Variants in AK5 observed in about 807,000 individuals in gnomAD.
AK5 encodes adenylate kinase 5.
A neutral mutation model predicts 69.5 loss-of-function variants in AK5; 27 were observed. The ratio of observed to expected loss-of-function variants is 0.39; its 90% CI spans 0.29 to 0.54. The LOEUF (loss-of-function observed/expected upper bound fraction) is 0.54. AK5 is among the 20% of genes least tolerant of loss of function. The probability of loss-of-function intolerance (pLI) is 0.71; values close to 1 mark genes in which losing one functional copy is unlikely to be tolerated. For synonymous variants in AK5, 260 were observed against 244.4 expected, an observed-to-expected ratio of 1.06 and a Z score of -0.60; for missense variants, 531 against 700.4, an observed-to-expected ratio of 0.76 and a Z score of 2.73.
chr1:77,456,605 G>A (rs565829909), intron 8 of AK5, among the ~76,000 whole-genome samples: 23 of 152,324 alleles, frequency 1.5e-4, no homozygotes, highest in Middle Eastern at 3.4e-3. Flanking sequence ...ATGGGCCTCA[G>A]TTCCAAGTAT....
intron 8 of AK5, among the ~76,000 whole-genome samples, chr1:77,424,589 G>A (rs1403235631): frequency 2.0e-5 from 3 of 152,280 alleles, no homozygotes; most frequent in South Asian, 4.2e-4. Context: ...GAAGCAAAAA[G>A]AAATTCTAGA....
At chr1:77,402,687 G>C (rs1000751468) in intron 6 of AK5, among the ~76,000 whole-genome samples, 12 of 151,200 alleles carry the variant, frequency 7.9e-5, no homozygotes, top group African/African-American at 2.9e-4. Context: ...TCTTAATCCA[G>C]TCTATCATTG....
At chr1:77,310,037 A>G (rs1233181654) in intron 5 of AK5, among the ~76,000 whole-genome samples, 1 of 152,058 alleles carries the variant, frequency 6.6e-6, no homozygotes, top group East Asian at 1.9e-4. Flanking sequence ...AAAATCTTCT[A>G]TAGTTTTCTA....
At chr1:77,322,692 T>G (rs1660597495) in intron 5 of AK5, among the ~76,000 whole-genome samples, 1 of 151,834 alleles carries the variant, frequency 6.6e-6, no homozygotes, top group South Asian at 2.1e-4. Flanking sequence ...CTAGTTAACG[T>G]GAGAGCTAAA....
At chr1:77,436,008 G>A (rs1289077322) in intron 8 of AK5, among the ~76,000 whole-genome samples, 3 of 152,006 alleles carry the variant, frequency 2.0e-5, no homozygotes, top group South Asian at 2.1e-4. Context: ...CTATACATTC[G>A]CTTTTTAAAA....
chr1:77,513,529 G>A (rs1483685601), intron 10 of AK5, among the ~76,000 whole-genome samples: 13 of 152,196 alleles, frequency 8.5e-5, no homozygotes, highest in African/African-American at 3.1e-4. Context: ...TTAGTAAGAT[G>A]CAATAAAATG....
Position 77,297,518 on chromosome 1 carries a change from T to C in AK5, c.416-41T>C, listed in dbSNP as rs767684676. 12 of 1,538,220 alleles carry C rather than the reference T, an allele frequency of 7.8e-6. No homozygotes were observed. The East Asian group carries it at 2.7e-4, about 35-fold the overall frequency. On this transcript the variant is annotated intron_variant, in intron 3 of 13. Coordinates refer to ENST00000354567, the MANE Select transcript of AK5 (RefSeq NM_174858.3). ...TAGTTGTATAAAAGGGAGGTCCTTATTGTATCAGAAGATCACAGTTTTGCC... is the reference window on the plus strand; with the variant it reads ...TAGTTGTATAAAAGGGAGGTCCTTACTGTATCAGAAGATCACAGTTTTGCC...
At position 77,286,998 on chromosome 1, in the gene AK5, A is replaced by G; in HGVS notation, c.118A>G (p.Ser40Gly). 1 of 1,606,876 alleles carries G rather than the reference A, an allele frequency of 6.2e-7. No individual in the cohort carries two copies. The highest frequency in any genetic ancestry group is 8.5e-7 in the Non-Finnish European group (1 of 1,176,056). The change falls in exon 2 of 14, where the codon AGT becomes GGT. Residue 40 changes from serine to glycine, a missense_variant. Transcript: ENST00000354567. ...CGAAGATCCAGTAGAATACTTGGAA[A>G]GTTGTTTACAAAAAGTAAAGGAACT... ...KPEDPVEYLE[S>G]CLQKVKELGG...
At chr1:77,352,090 C>T (rs1223527628) in intron 6 of AK5, among the ~76,000 whole-genome samples, 2 of 151,876 alleles carry the variant, frequency 1.3e-5, no homozygotes, top group Non-Finnish European at 2.9e-5. Context: ...CCACCATGCC[C>T]GGCTAATTTT....
intron 5 of AK5, among the ~76,000 whole-genome samples, chr1:77,333,195 T>A (rs1661176807): frequency 2.6e-5 from 4 of 152,156 alleles, no homozygotes; most frequent in African/African-American, 2.4e-5. Flanking sequence ...ATCTTTAAAG[T>A]GTACTCTGTA....
At chr1:77,549,395 G>A (rs191407799) in intron 13 of AK5, among the ~76,000 whole-genome samples, 221 of 152,130 alleles carry the variant, frequency 1.5e-3, no homozygotes, top group African/African-American at 4.3e-3. Flanking sequence ...TTAGGATCAC[G>A]TCAGGGTAAA....
At chr1:77,327,025 T>C (rs1660840537) in intron 5 of AK5, among the ~76,000 whole-genome samples, 1 of 152,156 alleles carries the variant, frequency 6.6e-6, no homozygotes, top group Non-Finnish European at 1.5e-5. Context: ...ATCATTCCTA[T>C]AGTCAATATC....
intron 2 of AK5, among the ~76,000 whole-genome samples, chr1:77,290,094 C>T (rs1285549397): frequency 6.6e-6 from 1 of 152,052 alleles, no homozygotes; most frequent in African/African-American, 2.4e-5. Context: ...CCAAAATTCC[C>T]ACACAGGGAT....
At chr1:77,383,528 A>C (rs1244975817) in intron 6 of AK5, among the ~76,000 whole-genome samples, 1 of 152,180 alleles carries the variant, frequency 6.6e-6, no homozygotes, top group African/African-American at 2.4e-5. Context: ...TATCAAAAAA[A>C]TGCTAAATAT....
intron 5 of AK5, among the ~76,000 whole-genome samples, chr1:77,336,176 G>A (rs1196117902): frequency 6.6e-6 from 1 of 151,052 alleles, no homozygotes; most frequent in Non-Finnish European, 1.5e-5. Context: ...CCGCCTCCCG[G>A]GTTCAAGTGA....
At chr1:77,449,667 T>A (rs759840352) in intron 8 of AK5, among the ~76,000 whole-genome samples, 2 of 152,166 alleles carry the variant, frequency 1.3e-5, no homozygotes, top group Non-Finnish European at 2.9e-5. Flanking sequence ...ATGATAAGGT[T>A]TGGCTATGTC....
At chr1:77,475,493 C>A (rs1369371819) in intron 8 of AK5, among the ~76,000 whole-genome samples, 5 of 42,752 alleles carry the variant, frequency 1.2e-4, no homozygotes, top group African/African-American at 3.0e-4. Context: ...TATATATATA[C>A]AAATATATAT....
rs915627382 is a variant in AK5 at position 77,355,622 on chromosome 1, C to A, written c.891+15054C>A. Among the ~76,000 whole-genome samples, 179 of 152,224 alleles carry A rather than the reference C, an allele frequency of 1.2e-3. 1 individual carries two copies. The highest frequency in any genetic ancestry group is 3.8e-4 in the Non-Finnish European group (26 of 68,014). Reference sequence around the variant, plus strand: ...CCCCACTCTGAGGTCCCATAACACCCCATTTTGAGTCCATTCATGGCAATT... The same window carrying A: ...CCCCACTCTGAGGTCCCATAACACCACATTTTGAGTCCATTCATGGCAATT... On this transcript the variant is annotated intron_variant, in intron 6 of 13. Transcript: ENST00000354567.
intron 8 of AK5, among the ~76,000 whole-genome samples, chr1:77,422,634 CTAGGAAACCCTT>C (rs1178402076): frequency 1.3e-5 from 2 of 152,066 alleles, no homozygotes; most frequent in African/African-American, 2.4e-5. Flanking sequence ...AGCTTCCCCT[CTAGGAAACCCTT>C]CTCTTGTCAC....
Sources: allele counts gnomAD v4.1 joint callset (sites outside exome capture counted in the v4.1 genomes callset), GRCh38; gene constraint gnomAD v4.1.1; transcripts MANE v1.5; gene names NCBI Gene and HGNC (gene_info 2026-07-23, HGNC 2026-07-21).